LENG1: variants seen among roughly 807,000 people sequenced by gnomAD.
LENG1 encodes leukocyte receptor cluster (LRC) member 1.
In LENG1, 35 loss-of-function variants were observed where a neutral mutation model predicts 28.8. The observed-to-expected ratio is 1.22, with a 90% confidence interval of 0.93 to 1.61. The LOEUF is 1.61. Ranked by LOEUF, LENG1 falls within the 40% of genes most tolerant of loss-of-function variation. The probability of loss-of-function intolerance (pLI) is 0.00; values close to 1 mark genes in which losing one functional copy is unlikely to be tolerated. For synonymous variants in LENG1, 170 were observed against 140.6 expected, an observed-to-expected ratio of 1.21 and a Z score of -1.48; for missense variants, 404 against 348.9, an observed-to-expected ratio of 1.16 and a Z score of -1.26.
In LENG1 at chr19:54,157,037, A is replaced by AG. The variant is rs761316161; in HGVS notation, c.313-13dup. The AG allele has an allele frequency of 3.3e-6, 5 of 1,514,724 alleles. No homozygotes were observed. The Admixed American group carries it at 1.1e-4, about 34-fold the overall frequency. 93.8% of individuals were successfully genotyped at this position (1,514,724 alleles called of 1,614,324 possible). The stretch of plus-strand genomic sequence containing the variant: ...TTCTCTTGCCTCTCCTGAGGGGGCC[A>AG]GGAAATACAAGAGATGTGATATAAT... On this transcript the variant is annotated splice_polypyrimidine_tract_variant and intron_variant, in intron 2 of 3. Coordinates refer to ENST00000222224, the MANE Select transcript of LENG1 (RefSeq NM_024316.3).
At chr19:54,158,580 C>CTAGGTGCCTCTTT in intron 1 of LENG1, 119 bp from the exon 2 acceptor site, 1 of 925,346 alleles carries the variant, frequency 1.1e-6, no homozygotes, top group Non-Finnish European at 1.6e-6. Context: ...AAAGGGAGCA[C>CTAGGTGCCTCTTT]TAGGCGCCTA....
chr19:54,158,274 C>A lies in LENG1; in HGVS notation c.312+8G>T. ...GCCCCTCTGATGAAGTGGGTGAGGC[C>A]AGCTTACTTTCTCCTGTCGCTTTTC... On this transcript the variant is annotated splice_region_variant and intron_variant, in intron 2 of 3. Transcript: ENST00000222224. 1 of 1,612,012 alleles carries A rather than the reference C, an allele frequency of 6.2e-7. No individual in the cohort carries two copies. The highest frequency in any genetic ancestry group is 8.5e-7 in the Non-Finnish European group (1 of 1,178,290).
In LENG1 at chr19:54,155,789, A is replaced by ACCG. The variant is rs1173909959; in HGVS notation, c.724_726dup (p.Arg242dup). 38 of 1,610,388 alleles carry ACCG rather than the reference A, an allele frequency of 2.4e-5. No individual in the cohort carries two copies. Among genetic ancestry groups the ACCG allele is most frequent in the Middle Eastern group, 1.7e-4 (1 of 5,952 alleles). ...AGCTGGGGGTTGAATTGGGAGTTGT[A>ACCG]CCGCCGCCGCCGGTCATCCGTCTCG... On this transcript the variant is annotated inframe_insertion, in exon 4 of 4. Coordinates refer to ENST00000222224, the MANE Select transcript of LENG1 (RefSeq NM_024316.3).
In LENG1 at chr19:54,155,782, G is replaced by C; in HGVS notation, c.734C>G (p.Ser245Cys). Residue 245 changes from serine to cysteine, a missense_variant, in exon 4 of 4, where the codon TCC (serine) becomes TGC (cysteine). Coordinates refer to ENST00000222224, the MANE Select transcript of LENG1 (RefSeq NM_024316.3). ...ETDDRRRRYN[S>C]QFNPQLARRP... is the part of the protein sequence containing the mutation. ...CCGGGCCAGCTGGGGGTTGAATTGG[G>C]AGTTGTACCGCCGCCGCCGGTCATC... The C allele has an allele frequency of 6.2e-7, 1 of 1,611,188 alleles. No homozygotes were observed. Among genetic ancestry groups the C allele is most frequent in the Non-Finnish European group, 8.5e-7 (1 of 1,179,596 alleles).
At position 54,155,920 on chromosome 19, in the gene LENG1, A is replaced by G. The variant is rs1353386456; in HGVS notation, c.596T>C (p.Leu199Pro). 6.2e-7 allele frequency: 1 copy of G among 1,610,636 alleles called. No individual in the cohort carries two copies. Among genetic ancestry groups the G allele is most frequent in the Admixed American group, 1.7e-5 (1 of 59,710 alleles). Reference protein sequence around the residue: ...RPKEPPSLDQLRAERLRREAA... With the variant: ...RPKEPPSLDQPRAERLRREAA... ...TTCCCTCCGCAGACGTTCAGCTCGAAGCTGGTCCAGGGATGGAGGCCTGTG... is the reference window on the plus strand; with the variant it reads ...TTCCCTCCGCAGACGTTCAGCTCGAGGCTGGTCCAGGGATGGAGGCCTGTG... Residue 199 changes from leucine (L) to proline (P), a missense_variant, in exon 4 of 4, where the codon CTT becomes CCT. Transcript: ENST00000222224.
At position 54,156,996 on chromosome 19, in the gene LENG1, C is replaced by T; in HGVS notation, c.342G>A (p.Leu114=). Residue 114 remains leucine, a synonymous_variant, in exon 3 of 4, where the codon CTG becomes CTA. Transcript: ENST00000222224. ...CCGCTGCACTCTGGCCCAGGTATGT[C>T]AGGATGCCCAGAGCTTTCTCTTGCC... The part of the protein sequence containing the change: ...KERQEKALGI[L]TYLGQSAAEA... The T allele has an allele frequency of 6.4e-7, 1 of 1,568,708 alleles. No homozygotes were observed. The highest frequency in any genetic ancestry group is 8.6e-7 in the Non-Finnish European group (1 of 1,156,154).
chr19:54,155,624 T>G lies in LENG1; in HGVS notation c.*97A>C. 2 of 1,288,528 alleles carry G rather than the reference T, an allele frequency of 1.6e-6. No individual in the cohort carries two copies. The highest frequency in any genetic ancestry group is 1.5e-5 in the South Asian group (1 of 68,374). The allele number at this position is 1,288,528 out of a possible 1,614,324, so 79.8% of individuals were successfully genotyped here. ...TCCTCCCCTCCCCAGTGAGGGACAT[T>G]TTTTGGTAAACCTATTTTCATTTTG... is the stretch of plus-strand genomic sequence containing the variant. On this transcript the variant is annotated 3_prime_UTR_variant, in exon 4 of 4. Transcript: ENST00000222224.
chr19:54,155,546 G>A lies in LENG1; in HGVS notation c.*175C>T. The A allele has an allele frequency of 1.1e-6, 1 of 915,448 alleles. No individual in the cohort carries two copies. The highest frequency in any genetic ancestry group is 1.6e-6 in the Non-Finnish European group (1 of 614,764). The allele number at this position is 915,448 out of a possible 1,614,324, so 56.7% of individuals were successfully genotyped here. A position where few individuals can be genotyped will look rare whatever the true frequency, so the allele number is the denominator to read the frequency against. ...CTCCCAGGAAGCAGGGAGGGGGCCG[G>A]GAGGTTTTCCTCTCAGCCCCACCCT... On this transcript the variant is annotated 3_prime_UTR_variant, in exon 4 of 4. Transcript: ENST00000222224.
chr19:54,156,801 T>C lies in LENG1; in HGVS notation c.537A>G (p.Arg179=). 4 of 1,613,888 alleles carry C rather than the reference T, an allele frequency of 2.5e-6. No individual in the cohort carries two copies. In the South Asian group the frequency reaches 4.4e-5, roughly 18 times the overall value. ...GCTTCTCAGACCCCTCCTTTTCCTTTCTGCTGCGACTGCCTTCATCACCGC... is the reference window on the plus strand; with the variant it reads ...GCTTCTCAGACCCCTCCTTTTCCTTCCTGCTGCGACTGCCTTCATCACCGC... The part of the protein sequence containing the change: ...QHGGDEGSRS[R]KEKEGSEKQR... Residue 179 remains arginine (R), a synonymous_variant, in exon 3 of 4, where the codon AGA becomes AGG. Coordinates refer to ENST00000222224, the MANE Select transcript of LENG1 (RefSeq NM_024316.3).
At position 54,159,592 on chromosome 19, in the gene LENG1, T is replaced by C. The variant is rs2075465906; in HGVS notation, c.104A>G (p.Glu35Gly). 1.9e-6 allele frequency: 3 copies of C among 1,599,508 alleles called. No homozygotes were observed. The highest frequency in any genetic ancestry group is 2.6e-6 in the Non-Finnish European group (3 of 1,172,876). The change falls in exon 1 of 4, where the codon GAG (glutamate) becomes GGG (glycine). Residue 35 changes from glutamate (E) to glycine (G), a missense_variant. Glu to Gly is a moderately conservative substitution (Grantham distance 98). Coordinates refer to ENST00000222224, the MANE Select transcript of LENG1 (RefSeq NM_024316.3). ...AQAREEEKER[E>G]RRVLLAQQEA... ...TTGCTGAGCCAGCAGCACCCTCCGC[T>C]CACGCTCCTTCTCCTCCTCCCGGGC... is the stretch of plus-strand genomic sequence containing the variant.
In LENG1 at chr19:54,158,639, C is replaced by A. The variant is rs572662755; in HGVS notation, c.133-178G>T. ...GGGTGAGGGTAGGCAGATGAGGCAA[C>A]GCCTGGGTTTTGTAAACTCCCTTTC... On this transcript the variant is annotated intron_variant, in intron 1 of 3. Transcript: ENST00000222224. 4.6e-5 allele frequency among the ~76,000 whole-genome samples: 7 copies of A among 152,294 alleles called. No individual in the cohort carries two copies. The South Asian group carries it at 1.4e-3, about 32-fold the overall frequency.
At position 54,155,509 on chromosome 19, in the gene LENG1, G is replaced by A; in HGVS notation, c.*212C>T. 1 of 945,546 alleles carries A rather than the reference G, an allele frequency of 1.1e-6. No individual in the cohort carries two copies. Among genetic ancestry groups the A allele is most frequent in the Non-Finnish European group, 1.6e-6 (1 of 636,542 alleles). 58.6% of individuals were successfully genotyped at this position (945,546 alleles called of 1,614,324 possible). ...GACTGGAGGGAGGCCCCAAGCCACGGGGCATCCCCCTCTCCCAGGAAGCAG... is the reference window on the plus strand; with the variant it reads ...GACTGGAGGGAGGCCCCAAGCCACGAGGCATCCCCCTCTCCCAGGAAGCAG... On this transcript the variant is annotated 3_prime_UTR_variant, in exon 4 of 4. Coordinates refer to ENST00000222224, the MANE Select transcript of LENG1 (RefSeq NM_024316.3).
chr19:54,159,637 A>T lies in LENG1; in HGVS notation c.59T>A (p.Val20Glu). 1 of 1,613,020 alleles carries T rather than the reference A, an allele frequency of 6.2e-7. No homozygotes were observed. Among genetic ancestry groups the T allele is most frequent in the Non-Finnish European group, 8.5e-7 (1 of 1,179,624 alleles). Residue 20 changes from valine to glutamate, a missense_variant, in exon 1 of 4, where the codon GTG becomes GAG. Transcript: ENST00000222224. ...HVRNKDNVAR[V>E]RRDEAQAREE... Reference sequence around the variant, plus strand: ...CCGGGCCTGGGCCTCGTCACGCCGCACGCGGGCGACATTGTCCTTGTTCCG... The same window carrying T: ...CCGGGCCTGGGCCTCGTCACGCCGCTCGCGGGCGACATTGTCCTTGTTCCG...
At chr19:54,156,419 T>G (rs1448988877) in intron 3 of LENG1, among the ~76,000 whole-genome samples, 1 of 152,152 alleles carries the variant, frequency 6.6e-6, no homozygotes, top group African/African-American at 2.4e-5. Flanking sequence ...TGCAAATCAT[T>G]AGTGAAAACT....
chr19:54,155,599 TCCTCC>T lies in LENG1; in HGVS notation c.*117_*121del. ...GGGCCCGGGGGCGAGGGCTGCCCCC[TCCTCC>T]CCTCCCCAGTGAGGGACATTTTTTG... On this transcript the variant is annotated 3_prime_UTR_variant, in exon 4 of 4. Coordinates refer to ENST00000222224, the MANE Select transcript of LENG1 (RefSeq NM_024316.3). 4.5e-6 allele frequency: 5 copies of T among 1,120,774 alleles called. No homozygotes were observed. The highest frequency in any genetic ancestry group is 6.3e-6 in the Non-Finnish European group (5 of 791,550). 69.4% of individuals were successfully genotyped at this position (1,120,774 alleles called of 1,614,324 possible).
intron 1 of LENG1, among the ~76,000 whole-genome samples, 190 bp from the exon 2 acceptor site, chr19:54,158,651 G>C (rs1354384549): frequency 7.9e-5 from 12 of 152,208 alleles, no homozygotes; most frequent in African/African-American, 2.9e-4. Flanking sequence ...CCTGGGTTTT[G>C]TAAACTCCCT....
Position 54,155,948 on chromosome 19 carries a change from G to T in LENG1, c.576-8C>A. The T allele has an allele frequency of 6.3e-7, 1 of 1,599,682 alleles. No individual in the cohort carries two copies. On this transcript the variant is annotated splice_polypyrimidine_tract_variant and splice_region_variant and intron_variant, in intron 3 of 3. Coordinates refer to ENST00000222224, the MANE Select transcript of LENG1 (RefSeq NM_024316.3). ...TGGTCCAGGGATGGAGGCCTGTGGG[G>T]AGAGGAGTGAGGTCAGAAAGCTGGT...
rs762598597 is a variant in LENG1, at chr19:54,158,458, G to T, written c.136C>A (p.Arg46Ser). ...RRVLLAQQEA[R>S]TEFLRKKARH... ...GCTTTCTTCCGTAGGAATTCTGTAC[G>T]GGCCTGGGGAGAAAGTTATAGGCAG... is the stretch of plus-strand genomic sequence containing the variant. The change falls in exon 2 of 4, where the codon CGT becomes AGT. Residue 46 changes from arginine to serine, a missense_variant. By Grantham distance (110) the Arg-to-Ser change is moderately radical. Transcript: ENST00000222224. The T allele has an allele frequency of 8.7e-5, 141 of 1,612,522 alleles. 1 individual carries two copies. In the South Asian group the frequency reaches 1.5e-3, roughly 17 times the overall value.
intron 2 of LENG1, among the ~76,000 whole-genome samples, chr19:54,157,657 A>C (rs2075420207): frequency 6.6e-6 from 1 of 152,148 alleles, no homozygotes. Context: ...GGCGTGAGCC[A>C]CCATGCACAG....
Sources: allele counts gnomAD v4.1 joint callset (sites outside exome capture counted in the v4.1 genomes callset), GRCh38; gene constraint gnomAD v4.1.1; transcripts MANE v1.5; gene names NCBI Gene and HGNC (gene_info 2026-07-23, HGNC 2026-07-21).